The following SLC24A2 variants were observed in gnomAD, a reference collection of about 807,000 sequenced individuals.
SLC24A2 encodes solute carrier family 24 member 2.
Under a neutral mutation model 62.0 loss-of-function variants are expected in SLC24A2, and 36 were observed. That is an observed-to-expected ratio of 0.58 (90% confidence interval 0.44 to 0.77). SLC24A2 has a LOEUF of 0.77. Ranked by LOEUF, SLC24A2 falls within the 30% of genes least tolerant of loss-of-function variation. The pLI, the probability that SLC24A2 is intolerant of heterozygous loss-of-function variation, is 0.00. For synonymous variants in SLC24A2, 358 were observed against 294.0 expected, an observed-to-expected ratio of 1.22 and a Z score of -2.23; for missense variants, 846 against 817.9, an observed-to-expected ratio of 1.03 and a Z score of -0.42.
At chr9:19,833,180 C>T in the SLC24A2 span, among the ~76,000 whole-genome samples, 3 of 152,148 alleles carry the variant, frequency 2.0e-5, no homozygotes, top group African/African-American at 7.2e-5. Flanking sequence ...TTCTGCATTT[C>T]CAACTGAGGT....
intron 2 of SLC24A2, among the ~76,000 whole-genome samples, chr9:19,785,099 T>G (rs1823123278): frequency 6.6e-6 from 1 of 152,200 alleles, no homozygotes; most frequent in South Asian, 2.1e-4. Flanking sequence ...AGAACTCCAT[T>G]ACAATACCAC....
chr9:19,910,049 T>C, the SLC24A2 span, among the ~76,000 whole-genome samples: 14 of 152,284 alleles, frequency 9.2e-5, no homozygotes, highest in African/African-American at 3.4e-4. Context: ...GAGAGTATTG[T>C]GAGCAAATAA....
the SLC24A2 span, among the ~76,000 whole-genome samples, chr9:20,056,503 T>A: frequency 6.6e-6 from 1 of 152,336 alleles, no homozygotes; most frequent in Non-Finnish European, 1.5e-5. Context: ...GTTCTTACAG[T>A]GTTGATCATC....
chr9:19,696,098 T>G (rs1396798257), intron 2 of SLC24A2, among the ~76,000 whole-genome samples: 1 of 152,074 alleles, frequency 6.6e-6, no homozygotes, highest in East Asian at 1.9e-4. Context: ...TGGCATTAGA[T>G]TCTCACAGGA....
chr9:19,530,043 G>A (rs950711258), intron 8 of SLC24A2, among the ~76,000 whole-genome samples: 8 of 149,056 alleles, frequency 5.4e-5, no homozygotes, highest in Middle Eastern at 3.5e-3. Flanking sequence ...GTAAGCCACC[G>A]CACCCAGCCA....
At chr9:20,237,911 G>A in the SLC24A2 span, among the ~76,000 whole-genome samples, 1 of 152,132 alleles carries the variant, frequency 6.6e-6, no homozygotes, top group Admixed American at 6.5e-5. Context: ...GTTAGAGTCA[G>A]GTAGTTCTGG....
chr9:20,053,805 T>G, the SLC24A2 span, among the ~76,000 whole-genome samples: 1 of 152,190 alleles, frequency 6.6e-6, no homozygotes, highest in Non-Finnish European at 1.5e-5. Context: ...AGAAATAAAT[T>G]TCTGTCACTT....
the SLC24A2 span, among the ~76,000 whole-genome samples, chr9:19,805,827 C>G: frequency 7.2e-6 from 1 of 138,174 alleles, no homozygotes; most frequent in African/African-American, 2.7e-5. Context: ...TTTCATGGGT[C>G]TGAGTTTTAA....
the SLC24A2 span, among the ~76,000 whole-genome samples, chr9:19,809,325 C>T: frequency 6.6e-6 from 1 of 152,022 alleles, no homozygotes; most frequent in Non-Finnish European, 1.5e-5. Context: ...ATTAAATGCT[C>T]TGAGATGCAA....
the SLC24A2 span, among the ~76,000 whole-genome samples, chr9:20,276,818 C>A: frequency 2.6e-5 from 4 of 152,202 alleles, no homozygotes; most frequent in African/African-American, 7.2e-5. Flanking sequence ...TGTAAGCCAC[C>A]AAAGTTTGGG....
the SLC24A2 span, among the ~76,000 whole-genome samples, chr9:20,267,762 A>T: frequency 6.6e-5 from 10 of 152,226 alleles, no homozygotes; most frequent in African/African-American, 2.4e-4. Flanking sequence ...AGTTGCCAAG[A>T]GGAAACACAA....
At chr9:19,772,606 G>A (rs958460362) in intron 2 of SLC24A2, among the ~76,000 whole-genome samples, 1 of 152,132 alleles carries the variant, frequency 6.6e-6, no homozygotes, top group Admixed American at 6.5e-5. Flanking sequence ...TGGCCAATAA[G>A]TCCAACGTTA....
chr9:19,572,946 G>A (rs1341024454), intron 7 of SLC24A2, among the ~76,000 whole-genome samples: 9 of 152,150 alleles, frequency 5.9e-5, no homozygotes. Flanking sequence ...GGATTAAACT[G>A]CAGCAGGTAT....
At chr9:19,662,874 G>T (rs1264718403) in intron 2 of SLC24A2, among the ~76,000 whole-genome samples, 1 of 152,144 alleles carries the variant, frequency 6.6e-6, no homozygotes, top group South Asian at 2.1e-4. Flanking sequence ...TGTTTTGTGT[G>T]TGCACGTGTG....
At chr9:20,087,277 T>G in the SLC24A2 span, among the ~76,000 whole-genome samples, 1 of 152,378 alleles carries the variant, frequency 6.6e-6, no homozygotes, top group Non-Finnish European at 1.5e-5. Flanking sequence ...CTGGGGAAGA[T>G]TCTTGATCCT....
intron 2 of SLC24A2, among the ~76,000 whole-genome samples, chr9:19,718,737 G>A (rs960505663): frequency 4.6e-5 from 7 of 152,068 alleles, no homozygotes; most frequent in Non-Finnish European, 8.8e-5. Flanking sequence ...TCTCATACAT[G>A]TTCAAATGCT....
chr9:20,085,798 T>C, the SLC24A2 span, among the ~76,000 whole-genome samples: 1,140 of 152,352 alleles, frequency 7.5e-3, 8 homozygotes, highest in Non-Finnish European at 0.011. Context: ...TGCTCAGACA[T>C]ACAGACATCA....
At chr9:19,910,093 A>T in the SLC24A2 span, among the ~76,000 whole-genome samples, 1 of 152,092 alleles carries the variant, frequency 6.6e-6, no homozygotes, top group Non-Finnish European at 1.5e-5. Flanking sequence ...TGAAATGTAT[A>T]GTCTAGCGTC....
At chr9:20,009,053 C>T in the SLC24A2 span, among the ~76,000 whole-genome samples, 1 of 152,082 alleles carries the variant, frequency 6.6e-6, no homozygotes, top group African/African-American at 2.4e-5. Context: ...TGAGCATACT[C>T]CTCCTTCCTT....
Sources: gnomAD v4.1 joint callset for allele counts (sites outside exome capture counted in the v4.1 genomes callset) on GRCh38, gnomAD v4.1.1 for gene constraint, MANE v1.5 for transcripts, NCBI Gene and HGNC (gene_info 2026-07-23, HGNC 2026-07-21) for gene names.